VPS8: variants seen among roughly 807,000 people sequenced by gnomAD.
VPS8 encodes the protein vacuolar protein sorting-associated protein 8 homolog.
Under a neutral mutation model 216.4 loss-of-function variants are expected in VPS8, and 129 were observed. That is an observed-to-expected ratio of 0.60 (90% CI 0.52 to 0.69). The LOEUF is 0.69. VPS8 is among the 30% of genes least tolerant of loss of function. The probability of loss-of-function intolerance (pLI) is 0.00; values close to 1 mark genes in which losing one functional copy is unlikely to be tolerated. For missense variants in VPS8, 1,531 were observed against 1,683.5 expected, an observed-to-expected ratio of 0.91 and a Z score of 1.59; for synonymous variants, 571 against 565.4, an observed-to-expected ratio of 1.01 and a Z score of -0.14.
chr3:184,929,371 G>T (rs1740268897), intron 32 of VPS8, among the ~76,000 whole-genome samples: 1 of 151,692 alleles, frequency 6.6e-6, no homozygotes, highest in Admixed American at 6.6e-5. Flanking sequence ...TAGTTTTTTT[G>T]TAGAGACGGG....
At chr3:184,973,539 A>G in intron 40 of VPS8, among the ~76,000 whole-genome samples, 1 of 152,182 alleles carries the variant, frequency 6.6e-6, no homozygotes, top group East Asian at 1.9e-4. Flanking sequence ...AACATTTATC[A>G]TTTCTTTGTG....
At chr3:184,859,798 T>TA (rs2108715405) in intron 14 of VPS8, among the ~76,000 whole-genome samples, 187 bp from the exon 15 acceptor site, 1 of 152,358 alleles carries the variant, frequency 6.6e-6, no homozygotes, top group African/African-American at 2.4e-5. Context: ...CATTTTGGTG[T>TA]AAATAATGGA....
intron 23 of VPS8, among the ~76,000 whole-genome samples, chr3:184,896,000 A>G (rs1382654674): frequency 6.6e-6 from 1 of 152,064 alleles, no homozygotes; most frequent in Admixed American, 6.5e-5. Context: ...AAAGGTGCCA[A>G]GCCCTCTTGA....
chr3:184,869,430 C>G, intron 19 of VPS8, 52 bp from the exon 20 acceptor site: 1 of 1,577,270 alleles, frequency 6.3e-7, no homozygotes, highest in East Asian at 2.2e-5. Context: ...AGTTTCACTC[C>G]TAAAGATGTG....
At chr3:184,860,765 G>A (rs867225764) in intron 15 of VPS8, among the ~76,000 whole-genome samples, 22 of 151,014 alleles carry the variant, frequency 1.5e-4, no homozygotes, top group Middle Eastern at 3.5e-3. Flanking sequence ...TTTTTCTTGC[G>A]GCTAAAAACT....
intron 25 of VPS8, among the ~76,000 whole-genome samples, chr3:184,911,057 A>G (rs905965421): frequency 1.4e-4 from 21 of 152,168 alleles, no homozygotes; most frequent in South Asian, 4.1e-4. Flanking sequence ...ATCTCTCTCT[A>G]CCAGAAATGA....
At chr3:184,887,385 G>A (rs1164126485) in intron 22 of VPS8, among the ~76,000 whole-genome samples, 1 of 151,566 alleles carries the variant, frequency 6.6e-6, no homozygotes, top group Non-Finnish European at 1.5e-5. Flanking sequence ...ACCAACCTGT[G>A]CTAATGCACA....
chr3:184,955,342 G>T (rs953975041), intron 36 of VPS8, among the ~76,000 whole-genome samples: 4 of 152,098 alleles, frequency 2.6e-5, no homozygotes, highest in African/African-American at 9.7e-5. Flanking sequence ...TAAAGTATTT[G>T]ATCTTTCTTA....
chr3:184,995,061 A>G (rs1342490067), intron 43 of VPS8, among the ~76,000 whole-genome samples: 2 of 152,218 alleles, frequency 1.3e-5, no homozygotes, highest in Admixed American at 1.3e-4. Flanking sequence ...GGTCCCTCCC[A>G]CCACACGTGG....
intron 25 of VPS8, among the ~76,000 whole-genome samples, chr3:184,911,262 C>T (rs2109056773): frequency 6.6e-6 from 1 of 152,316 alleles, no homozygotes; most frequent in Admixed American, 6.5e-5. Context: ...ATGTCACATA[C>T]TCTGCTCATA....
intron 25 of VPS8, among the ~76,000 whole-genome samples, chr3:184,908,423 C>G (rs1326412564): frequency 5.9e-5 from 9 of 152,238 alleles, no homozygotes; most frequent in Non-Finnish European, 1.3e-4. Flanking sequence ...AGTGCTGACA[C>G]AGGAACAAGC....
At chr3:185,015,782 C>T (rs938470593) in intron 45 of VPS8, among the ~76,000 whole-genome samples, 1 of 152,150 alleles carries the variant, frequency 6.6e-6, no homozygotes, top group Non-Finnish European at 1.5e-5. Flanking sequence ...GTAATTTTTC[C>T]AGGATCATAT....
In VPS8 at chr3:184,860,194, C is replaced by T. The variant is rs541648373; in HGVS notation, c.1224+129C>T. The T allele has an allele frequency of 6.0e-3, 4,886 of 816,046 alleles. 21 individuals are homozygous for T. Among genetic ancestry groups the T allele is most frequent in the South Asian group, 0.012 (590 of 49,672 alleles). The allele number at this position is 816,046 out of a possible 1,614,324, so 50.6% of individuals were successfully genotyped here. A position where few individuals can be genotyped will look rare whatever the true frequency, so the allele number is the denominator to read the frequency against. On this transcript the variant is annotated intron_variant, in intron 15 of 47. Transcript: ENST00000625842. Reference sequence around the variant, plus strand: ...AAGATCATATGAAATATGGACAGTCCGGCACCGAGGCTCGTGCCTGTAGTC... The same window carrying T: ...AAGATCATATGAAATATGGACAGTCTGGCACCGAGGCTCGTGCCTGTAGTC...
At chr3:184,952,990 GA>G (rs1208693931) in intron 36 of VPS8, among the ~76,000 whole-genome samples, 1 of 152,178 alleles carries the variant, frequency 6.6e-6, no homozygotes, top group African/African-American at 2.4e-5. Flanking sequence ...TACTCCTTAG[GA>G]AAGAATTCTG....
At chr3:184,836,169 A>G (rs756613696) in intron 5 of VPS8, 8 of 435,358 alleles carry the variant, frequency 1.8e-5, no homozygotes, top group South Asian at 6.6e-5. Flanking sequence ...GACCTAGCTC[A>G]TATATCATGA....
At position 184,929,788 on chromosome 3, in the gene VPS8, CAG is replaced by C. The variant is rs1162772798; in HGVS notation, c.2799+126_2799+127del. 36 of 559,994 alleles carry C rather than the reference CAG, an allele frequency of 6.4e-5. No homozygotes were observed. The South Asian group carries it at 6.7e-4, about 10-fold the overall frequency. 34.7% of individuals were successfully genotyped at this position (559,994 alleles called of 1,614,324 possible). ...GCCAAATACACATTGATAATTAAAA[CAG>C]ATACAGTTCTTGCAGTTTTGGAATG... is the stretch of plus-strand genomic sequence containing the variant. On this transcript the variant is annotated intron_variant, in intron 33 of 47. Coordinates refer to ENST00000625842, the MANE Select transcript of VPS8 (RefSeq NM_001009921.3).
chr3:184,844,412 C>A (rs1722727605), intron 8 of VPS8, among the ~76,000 whole-genome samples: 1 of 151,458 alleles, frequency 6.6e-6, no homozygotes, highest in Non-Finnish European at 1.5e-5. Context: ...CAGAGTGAGA[C>A]TCTGTCAAAA....
chr3:184,903,022 C>T (rs116083971), intron 25 of VPS8, among the ~76,000 whole-genome samples: 2,002 of 152,170 alleles, frequency 0.013, 22 homozygotes, highest in Middle Eastern at 0.034. Context: ...TCCCATAAGT[C>T]TTACCATTTA....
chr3:184,973,014 CTTTAAG>C (rs747496723), intron 40 of VPS8, among the ~76,000 whole-genome samples: 15 of 152,102 alleles, frequency 9.9e-5, no homozygotes, highest in Non-Finnish European at 2.2e-4. Flanking sequence ...TAAATTTCTC[CTTTAAG>C]TTTTTGTCCA....
Sources: gnomAD v4.1 joint callset for allele counts (sites outside exome capture counted in the v4.1 genomes callset) on GRCh38, gnomAD v4.1.1 for gene constraint, MANE v1.5 for transcripts, NCBI Gene and HGNC (gene_info 2026-07-23, HGNC 2026-07-21) for gene names.